The following SFMBT2 variants were observed in gnomAD, a reference collection of about 807,000 sequenced individuals.
SFMBT2 encodes scm-like with four MBT domains protein 2.
In SFMBT2, 38 loss-of-function variants were observed where a neutral mutation model predicts 110.1. The ratio of observed to expected loss-of-function variants is 0.35; its 90% CI spans 0.27 to 0.45. The LOEUF (loss-of-function observed/expected upper bound fraction) is 0.45. Among genes scored for constraint, SFMBT2 ranks in the 20% least tolerant of loss-of-function variants. The pLI is 1.00. For synonymous variants in SFMBT2, 425 were observed against 425.4 expected (o/e 1.00, Z 0.01); for missense variants, 1,011 against 1,094.9 (o/e 0.92, Z 1.08).
intron 4 of SFMBT2, among the ~76,000 whole-genome samples, chr10:7,353,160 C>CT (rs976290765): frequency 1.3e-5 from 2 of 152,158 alleles, no homozygotes; most frequent in African/African-American, 4.8e-5. Flanking sequence ...ATATAAAATG[C>CT]TTAATAACAA....
chr10:7,276,468 G>C (rs1841779297), intron 7 of SFMBT2, among the ~76,000 whole-genome samples: 1 of 150,070 alleles, frequency 6.7e-6, no homozygotes, highest in Non-Finnish European at 1.5e-5. Flanking sequence ...AAAACCTTAA[G>C]CATTTAAAAT....
intron 11 of SFMBT2, chr10:7,206,294 G>A (rs1839134756): frequency 1.0e-6 from 1 of 985,306 alleles, no homozygotes; most frequent in African/African-American, 1.7e-5. Flanking sequence ...CCTAAGAACA[G>A]CTCTGGGGTT....
At chr10:7,325,265 C>A (rs1392679161) in intron 4 of SFMBT2, among the ~76,000 whole-genome samples, 20 of 152,062 alleles carry the variant, frequency 1.3e-4, no homozygotes, top group Admixed American at 1.3e-3. Flanking sequence ...ACCGCGCCCC[C>A]ACCCAAGGCC....
chr10:7,338,620 G>A (rs1449629478), intron 4 of SFMBT2, among the ~76,000 whole-genome samples: 1 of 152,178 alleles, frequency 6.6e-6, no homozygotes, highest in African/African-American at 2.4e-5. Context: ...AGGAGGAGTA[G>A]GAAGCGGAGT....
chr10:7,325,140 G>T (rs1458893167), intron 4 of SFMBT2, among the ~76,000 whole-genome samples: 1 of 151,626 alleles, frequency 6.6e-6, no homozygotes, highest in Admixed American at 6.6e-5. Flanking sequence ...GCTAATTTTT[G>T]TATTTTTAGT....
At chr10:7,177,733 G>A (rs561847577) in intron 16 of SFMBT2, among the ~76,000 whole-genome samples, 1 of 152,086 alleles carries the variant, frequency 6.6e-6, no homozygotes, top group East Asian at 1.9e-4. Flanking sequence ...GCACGGTGGG[G>A]CACTACTGGG....
At chr10:7,358,074 G>C (rs1362014656) in intron 4 of SFMBT2, among the ~76,000 whole-genome samples, 145 of 132,236 alleles carry the variant, frequency 1.1e-3, no homozygotes, top group Middle Eastern at 0.01. Flanking sequence ...ATCTGCATGG[G>C]CCTAGAACAT....
At chr10:7,222,551 T>C (rs1349176824) in intron 10 of SFMBT2, among the ~76,000 whole-genome samples, 2 of 152,218 alleles carry the variant, frequency 1.3e-5, no homozygotes, top group Non-Finnish European at 2.9e-5. Context: ...TAGCAGTTTC[T>C]ACTTTCAGCA....
intron 4 of SFMBT2, among the ~76,000 whole-genome samples, chr10:7,356,458 C>T (rs1746519355): frequency 6.6e-6 from 1 of 152,202 alleles, no homozygotes; most frequent in African/African-American, 2.4e-5. Context: ...CTCCCTCACC[C>T]AGGATGGAGT....
At chr10:7,347,978 T>C (rs117449693) in intron 4 of SFMBT2, among the ~76,000 whole-genome samples, 12 of 152,292 alleles carry the variant, frequency 7.9e-5, no homozygotes, top group Non-Finnish European at 1.8e-4. Context: ...GGCTAACAAA[T>C]TGCACATTAG....
chr10:7,356,511 G>C (rs1844519571), intron 4 of SFMBT2, among the ~76,000 whole-genome samples: 1 of 152,180 alleles, frequency 6.6e-6, no homozygotes, highest in Admixed American at 6.5e-5. Context: ...CGCCTCCCGG[G>C]TTCAAGCAAC....
chr10:7,280,077 G>A (rs1485127235), intron 6 of SFMBT2, among the ~76,000 whole-genome samples: 1 of 152,204 alleles, frequency 6.6e-6, no homozygotes, highest in African/African-American at 2.4e-5. Context: ...CCTTATAAGA[G>A]ACACCAGAGT....
In SFMBT2 at chr10:7,207,162, T is replaced by C. The variant is rs1192206571; in HGVS notation, c.1331-1234A>G. On this transcript the variant is annotated intron_variant, in intron 11 of 20. Transcript: ENST00000397167. ...ATTGCTTGAGTCTAGGAGTTTGAGA[T>C]CAGCCTGGCCAACATGAAGACACCT... Among the ~76,000 whole-genome samples the C allele has an allele frequency of 3.9e-5, 6 of 151,904 alleles. No individual in the cohort carries two copies. In the South Asian group the frequency reaches 1.0e-3, roughly 26 times the overall value.
chr10:7,271,417 C>A (rs1294512197), intron 7 of SFMBT2, among the ~76,000 whole-genome samples: 5 of 151,650 alleles, frequency 3.3e-5, no homozygotes, highest in African/African-American at 1.2e-4. Flanking sequence ...TAAGAATGGA[C>A]AGGAAAGACA....
At chr10:7,222,782 G>A (rs377429797) in intron 10 of SFMBT2, among the ~76,000 whole-genome samples, 1 of 151,904 alleles carries the variant, frequency 6.6e-6, no homozygotes, top group East Asian at 1.9e-4. Flanking sequence ...CGATTCTCCT[G>A]CCTCAGCATC....
intron 4 of SFMBT2, among the ~76,000 whole-genome samples, chr10:7,315,017 A>AAG (rs1564435242): frequency 4.6e-4 from 63 of 137,112 alleles, no homozygotes; most frequent in African/African-American, 1.5e-3. Context: ...GAAAGAAAGA[A>AAG]AAGAGAGAGA....
At chr10:7,388,066 G>A (rs184420538) in intron 1 of SFMBT2, among the ~76,000 whole-genome samples, 4 of 152,184 alleles carry the variant, frequency 2.6e-5, no homozygotes, top group East Asian at 3.9e-4. Flanking sequence ...AGACAGGAAC[G>A]TGGAGCAAGC....
At chr10:7,365,829 G>T (rs1255386972) in intron 4 of SFMBT2, among the ~76,000 whole-genome samples, 2 of 152,188 alleles carry the variant, frequency 1.3e-5, no homozygotes, top group African/African-American at 4.8e-5. Flanking sequence ...TTTCCGGGGA[G>T]GGGGAGAATG....
At position 7,329,684 on chromosome 10, in the gene SFMBT2, G is replaced by A. The variant is rs982899119; in HGVS notation, c.436+37965C>T. The A allele has an allele frequency of 6.5e-5, 12 of 183,530 alleles. No individual in the cohort carries two copies. The South Asian group carries it at 1.5e-3, about 23-fold the overall frequency. The allele number at this position is 183,530 out of a possible 1,614,324, so 11.4% of individuals were successfully genotyped here. A position where few individuals can be genotyped will look rare whatever the true frequency, so the allele number is the denominator to read the frequency against. The stretch of plus-strand genomic sequence containing the variant: ...AACCGGGGCCTTGGCTGGGAAGGCC[G>A]GGACTGCTGGCCACAGCGCCTATAC... On this transcript the variant is annotated intron_variant, in intron 4 of 20. Transcript: ENST00000397167.
Sources: allele counts gnomAD v4.1 joint callset (sites outside exome capture counted in the v4.1 genomes callset), GRCh38; gene constraint gnomAD v4.1.1; transcripts MANE v1.5; gene names NCBI Gene and HGNC (gene_info 2026-07-23, HGNC 2026-07-21).